The following RNF115 variants were observed in gnomAD, a reference collection of about 807,000 sequenced individuals.
The protein encoded by RNF115 is E3 ubiquitin-protein ligase RNF115.
In RNF115, 31 loss-of-function variants were observed where a neutral mutation model predicts 39.2. That is an observed-to-expected ratio of 0.79 (90% confidence interval 0.59 to 1.07). The LOEUF (loss-of-function observed/expected upper bound fraction) is 1.07, where lower values mean the gene tolerates loss of function less well. RNF115 is among the 50% of genes least tolerant of loss of function. The pLI is 0.00. For synonymous variants in RNF115, 124 were observed against 131.0 expected (o/e 0.95, Z 0.37); for missense variants, 384 against 381.7 (o/e 1.01, Z -0.05).
intron 8 of RNF115, 67 bp downstream of exon 8, chr1:145,747,928 G>C (rs896006497): frequency 6.8e-6 from 7 of 1,027,878 alleles, no homozygotes; most frequent in South Asian, 2.5e-5. Context: ...CTTGGATCTC[G>C]AGGAACTGTT....
chr1:145,822,705 A>C (rs1650333865), intron 1 of RNF115, among the ~76,000 whole-genome samples: 1 of 150,300 alleles, frequency 6.7e-6, no homozygotes, highest in Non-Finnish European at 1.5e-5. Context: ...GCTACAACCC[A>C]ACCCAAAACA....
chr1:145,765,424 A>C (rs1368614522), intron 4 of RNF115, among the ~76,000 whole-genome samples: 5 of 152,020 alleles, frequency 3.3e-5, no homozygotes, highest in African/African-American at 1.2e-4. Context: ...AATAAAAAAA[A>C]AAAAAATTAA....
intron 1 of RNF115, among the ~76,000 whole-genome samples, chr1:145,790,764 A>AT: frequency 6.6e-6 from 1 of 151,946 alleles, no homozygotes; most frequent in South Asian, 2.1e-4. Flanking sequence ...TCATCGTCCA[A>AT]TTTTTTCTTC....
chr1:145,793,219 A>AG (rs1349914079), intron 1 of RNF115, among the ~76,000 whole-genome samples: 1 of 152,218 alleles, frequency 6.6e-6, no homozygotes, highest in African/African-American at 2.4e-5. Context: ...TTGGAGGCTG[A>AG]GGCCAAAGGA....
rs587674544 is a variant in RNF115 at position 145,771,373 on chromosome 1, C to T, written c.428+338G>A. On this transcript the variant is annotated intron_variant, in intron 4 of 8. Transcript: ENST00000582693. ...TGTGGATCCCTCAACCTTGGACTTCCCAGCCTCCAGAAATATAAGAAATGA... is the reference window on the plus strand; with the variant it reads ...TGTGGATCCCTCAACCTTGGACTTCTCAGCCTCCAGAAATATAAGAAATGA... Among the ~76,000 whole-genome samples, 8 of 152,284 alleles carry T rather than the reference C, an allele frequency of 5.3e-5. No homozygotes were observed. In the East Asian group the frequency reaches 1.5e-3, roughly 29 times the overall value.
At chr1:145,815,549 A>G (rs1553723417) in intron 1 of RNF115, among the ~76,000 whole-genome samples, 1 of 152,274 alleles carries the variant, frequency 6.6e-6, no homozygotes, top group Non-Finnish European at 1.5e-5. Context: ...GGAATGGAAT[A>G]ACACCTTTAC....
chr1:145,795,372 T>C (rs1215979428), intron 1 of RNF115, among the ~76,000 whole-genome samples: 1 of 152,170 alleles, frequency 6.6e-6, no homozygotes, highest in Non-Finnish European at 1.5e-5. Flanking sequence ...TGCTTGCTGC[T>C]GCTGGCTGGT....
chr1:145,793,780 C>T lies in RNF115; in HGVS notation c.103-4814G>A, dbSNP rs9728724. ...TCCCACATCTACATACTCCTTGTGCCGCTGCTGCTACCTTAACCCAAGCCA... is the reference window on the plus strand; with the variant it reads ...TCCCACATCTACATACTCCTTGTGCTGCTGCTGCTACCTTAACCCAAGCCA... On this transcript the variant is annotated intron_variant, in intron 1 of 8. Coordinates refer to ENST00000582693, the MANE Select transcript of RNF115 (RefSeq NM_014455.4). Among the ~76,000 whole-genome samples, 1,340 of 152,230 alleles carry T rather than the reference C, an allele frequency of 8.8e-3. 21 individuals are homozygous for T. Among genetic ancestry groups the T allele is most frequent in the African/African-American group, 0.03 (1,262 of 41,528 alleles).
At chr1:145,812,432 C>T (rs61816212) in intron 1 of RNF115, among the ~76,000 whole-genome samples, 9,576 of 149,114 alleles carry the variant, frequency 0.064, 249 homozygotes, top group African/African-American at 0.23. Context: ...CCGAGGCAGG[C>T]GCATCACTTG....
chr1:145,797,662 A>C (rs1468061289), intron 1 of RNF115, among the ~76,000 whole-genome samples: 1 of 152,214 alleles, frequency 6.6e-6, no homozygotes, highest in Non-Finnish European at 1.5e-5. Context: ...ACATATCCAG[A>C]AATGAGTTTG....
chr1:145,776,191 G>T (rs1647880598), intron 3 of RNF115, among the ~76,000 whole-genome samples: 1 of 143,358 alleles, frequency 7.0e-6, no homozygotes, highest in Non-Finnish European at 1.5e-5. Context: ...TTGAGAAGGA[G>T]TCTCGCTCTG....
intron 1 of RNF115, among the ~76,000 whole-genome samples, chr1:145,796,422 T>C (rs1260742316): frequency 1.0e-5 from 1 of 98,690 alleles, no homozygotes; most frequent in East Asian, 3.2e-4. Context: ...AAATTTCCCA[T>C]CTTAACTTTT....
chr1:145,758,966 A>G (rs1475718665), intron 4 of RNF115, among the ~76,000 whole-genome samples: 1 of 152,250 alleles, frequency 6.6e-6, no homozygotes, highest in Non-Finnish European at 1.5e-5. Context: ...GATAGTGTAT[A>G]CATTTAATTT....
Position 145,773,577 on chromosome 1 carries a change from A to G in RNF115, c.220-1658T>C, listed in dbSNP as rs1463780422. On this transcript the variant is annotated intron_variant, in intron 3 of 8. Coordinates refer to ENST00000582693, the MANE Select transcript of RNF115 (RefSeq NM_014455.4). ...CCAGGGCCTTTATAAATCTACCTTA[A>G]TATTCACTTCCTGTTTGTGTTGAAC... is the stretch of plus-strand genomic sequence containing the variant. 4 of 152,320 alleles carry G rather than the reference A, an allele frequency of 2.6e-5. No homozygotes were observed. The East Asian group carries it at 5.8e-4, about 22-fold the overall frequency. 9.4% of individuals were successfully genotyped at this position (152,320 alleles called of 1,614,324 possible).
rs1382292559 is a variant in RNF115, at chr1:145,748,020, C to T, written c.758G>A (p.Ser253Asn). The change falls in exon 8 of 9, where the codon AGT (serine) becomes AAT (asparagine). Residue 253 changes from serine to asparagine, a missense_variant. By Grantham distance (46) the Ser-to-Asn change is conservative. Coordinates refer to ENST00000582693, the MANE Select transcript of RNF115 (RefSeq NM_014455.4). ...CAGTTCTAGCCACGGCACAATACAA[C>T]TGCTGTGAAAGAAGTGATTGCAAGG... ...QLPCNHFFHSSCIVPWLELHD... is the reference protein window; with the variant it reads ...QLPCNHFFHSNCIVPWLELHD... The T allele has an allele frequency of 6.2e-7, 1 of 1,613,494 alleles. No homozygotes were observed. The highest frequency in any genetic ancestry group is 8.5e-7 in the Non-Finnish European group (1 of 1,179,442).
chr1:145,813,384 C>T (rs1891481), intron 1 of RNF115, among the ~76,000 whole-genome samples: 2 of 152,292 alleles, frequency 1.3e-5, no homozygotes, highest in South Asian at 2.1e-4. Context: ...ACACAGAAAG[C>T]AAAACTAAAA....
intron 4 of RNF115, among the ~76,000 whole-genome samples, chr1:145,759,673 C>T (rs587669652): frequency 1.7e-3 from 255 of 152,316 alleles, no homozygotes; most frequent in South Asian, 0.011. Context: ...CTATTTTCAG[C>T]ACAGCAGTTA....
intron 4 of RNF115, among the ~76,000 whole-genome samples, chr1:145,763,848 A>T (rs1658630843): frequency 6.6e-6 from 1 of 152,218 alleles, no homozygotes; most frequent in Non-Finnish European, 1.5e-5. Context: ...AAACCTAACA[A>T]GCATTAATAT....
At chr1:145,775,704 T>G (rs1222755861) in intron 3 of RNF115, among the ~76,000 whole-genome samples, 1 of 152,164 alleles carries the variant, frequency 6.6e-6, no homozygotes, top group African/African-American at 2.4e-5. Flanking sequence ...TTAAAATATC[T>G]TATTGTAACC....
Sources: gnomAD v4.1 joint callset for allele counts (sites outside exome capture counted in the v4.1 genomes callset) on GRCh38, gnomAD v4.1.1 for gene constraint, MANE v1.5 for transcripts, NCBI Gene and HGNC (gene_info 2026-07-23, HGNC 2026-07-21) for gene names.